The following ARHGAP15 variants were observed in gnomAD, a reference collection of about 807,000 sequenced individuals.
ARHGAP15 encodes the protein Rho GTPase activating protein 15, also known as rho GTPase-activating protein 15.
Under a neutral mutation model 63.7 loss-of-function variants are expected in ARHGAP15, and 51 were observed. The ratio of observed to expected loss-of-function variants is 0.80; its 90% CI spans 0.64 to 1.01. The LOEUF is 1.01. Ranked by LOEUF, ARHGAP15 falls within the 50% of genes least tolerant of loss-of-function variation. ARHGAP15 has a pLI of 0.00. For synonymous variants in ARHGAP15, 191 were observed against 193.8 expected (o/e 0.99, Z 0.12); for missense variants, 560 against 564.6 (o/e 0.99, Z 0.08).
chr2:143,755,326 G>T (rs1373529105), intron 13 of ARHGAP15, among the ~76,000 whole-genome samples: 1 of 151,658 alleles, frequency 6.6e-6, no homozygotes, highest in Non-Finnish European at 1.5e-5. Context: ...CTAAGTAGTA[G>T]AATTATGAGG....
intron 11 of ARHGAP15, among the ~76,000 whole-genome samples, chr2:143,617,583 A>G (rs935625371): frequency 6.6e-6 from 1 of 152,186 alleles, no homozygotes; most frequent in Non-Finnish European, 1.5e-5. Context: ...TCATTTTACC[A>G]TAATTACCTC....
chr2:143,433,363 C>T (rs918040363), intron 6 of ARHGAP15, among the ~76,000 whole-genome samples: 2 of 151,928 alleles, frequency 1.3e-5, no homozygotes, highest in Non-Finnish European at 2.9e-5. Flanking sequence ...CCTGGTAACT[C>T]GAAAGATTAG....
At chr2:143,162,301 G>A (rs1690328496) in intron 2 of ARHGAP15, 1 of 151,966 alleles carries the variant, frequency 6.6e-6, no homozygotes, top group African/African-American at 2.4e-5. Context: ...GGATCAAGAA[G>A]AGATGAGCTG....
chr2:143,202,851 G>T (rs1394048636), intron 3 of ARHGAP15, among the ~76,000 whole-genome samples: 3 of 152,076 alleles, frequency 2.0e-5, no homozygotes, highest in Middle Eastern at 3.4e-3. Flanking sequence ...ATGTTTTTGT[G>T]TATTGTTATA....
At chr2:143,306,354 G>T (rs1683171013) in intron 6 of ARHGAP15, among the ~76,000 whole-genome samples, 1 of 152,118 alleles carries the variant, frequency 6.6e-6, no homozygotes, top group Non-Finnish European at 1.5e-5. Flanking sequence ...ACTGTAGTGT[G>T]TTCAAATCAT....
Position 143,228,601 on chromosome 2 carries a change from G to C in ARHGAP15, c.317G>C (p.Trp106Ser). 3.7e-6 allele frequency: 6 copies of C among 1,608,286 alleles called. No homozygotes were observed. The highest frequency in any genetic ancestry group is 5.1e-6 in the Non-Finnish European group (6 of 1,177,340). Residue 106 changes from tryptophan to serine, a missense_variant, in exon 5 of 14, where the codon TGG (tryptophan) becomes TCG (serine). By Grantham distance (177) the Trp-to-Ser change is radical. Transcript: ENST00000295095. ...KKLRKNWSTS[W>S]IVLSSRRIEF... is the part of the protein sequence containing the mutation. ...CTAAGGAAAAACTGGTCTACTTCCT[G>C]GATTGTTCTTTCTAGTCGAAGAATT...
chr2:143,622,649 G>A (rs546437488), intron 11 of ARHGAP15, among the ~76,000 whole-genome samples: 2 of 152,122 alleles, frequency 1.3e-5, no homozygotes, highest in Admixed American at 6.6e-5. Context: ...GATTGAGGTA[G>A]GAATGAAGAC....
intron 6 of ARHGAP15, among the ~76,000 whole-genome samples, chr2:143,338,058 G>A (rs1333921769): frequency 2.6e-5 from 4 of 152,116 alleles, no homozygotes; most frequent in African/African-American, 7.2e-5. Flanking sequence ...GATATGGTGA[G>A]CATTAATCTA....
intron 12 of ARHGAP15, among the ~76,000 whole-genome samples, chr2:143,681,703 A>G (rs1315470000): frequency 2.0e-5 from 3 of 152,230 alleles, no homozygotes; most frequent in Admixed American, 2.0e-4. Flanking sequence ...ATGGTCAATG[A>G]GGCTTTAAGG....
At chr2:143,549,390 G>C (rs939731963) in intron 10 of ARHGAP15, among the ~76,000 whole-genome samples, 2 of 152,196 alleles carry the variant, frequency 1.3e-5, no homozygotes, top group Admixed American at 6.6e-5. Flanking sequence ...TCCAGGAAGA[G>C]AGGAAGCAGA....
chr2:143,538,968 C>T (rs1433768007), intron 10 of ARHGAP15, among the ~76,000 whole-genome samples: 7 of 152,116 alleles, frequency 4.6e-5, no homozygotes, highest in African/African-American at 1.7e-4. Context: ...CCAGTTCCTC[C>T]TTGTACCTCT....
chr2:143,548,190 T>A (rs1486042960), intron 10 of ARHGAP15, among the ~76,000 whole-genome samples: 1 of 152,100 alleles, frequency 6.6e-6, no homozygotes, highest in East Asian at 1.9e-4. Context: ...AACAATCTTA[T>A]TTCCTCATAT....
chr2:143,293,583 C>G (rs1263954701), intron 6 of ARHGAP15, among the ~76,000 whole-genome samples: 3 of 151,984 alleles, frequency 2.0e-5, no homozygotes, highest in African/African-American at 7.2e-5. Flanking sequence ...ATTAAACTGA[C>G]TTTGGTGTCT....
intron 9 of ARHGAP15, among the ~76,000 whole-genome samples, chr2:143,516,582 C>T (rs1407601720): frequency 6.6e-6 from 1 of 152,136 alleles, no homozygotes; most frequent in Non-Finnish European, 1.5e-5. Flanking sequence ...TTTTACAACT[C>T]AATATGCCTA....
intron 6 of ARHGAP15, among the ~76,000 whole-genome samples, chr2:143,291,765 C>T (rs1438877990): frequency 6.6e-6 from 1 of 152,008 alleles, no homozygotes; most frequent in Admixed American, 6.6e-5. Flanking sequence ...AGGTTTGAAC[C>T]TTGCCCCTCT....
At chr2:143,733,582 G>A (rs771484355) in intron 13 of ARHGAP15, among the ~76,000 whole-genome samples, 13 of 152,174 alleles carry the variant, frequency 8.5e-5, no homozygotes, top group Non-Finnish European at 1.6e-4. Context: ...TCCCAACTTC[G>A]TTTTTCAGAA....
intron 6 of ARHGAP15, among the ~76,000 whole-genome samples, chr2:143,412,060 G>A (rs1020036402): frequency 1.3e-5 from 2 of 152,166 alleles, no homozygotes; most frequent in Non-Finnish European, 1.5e-5. Context: ...AACTGTGATC[G>A]AGTGTTTCAA....
intron 10 of ARHGAP15, among the ~76,000 whole-genome samples, chr2:143,545,547 A>G (rs1239901328): frequency 6.6e-6 from 1 of 151,852 alleles, no homozygotes; most frequent in African/African-American, 2.4e-5. Flanking sequence ...AAAAGTTGGC[A>G]AGCGTTCTCG....
At chr2:143,543,683 A>C (rs1223607363) in intron 10 of ARHGAP15, among the ~76,000 whole-genome samples, 1 of 152,090 alleles carries the variant, frequency 6.6e-6, no homozygotes, top group Non-Finnish European at 1.5e-5. Context: ...ATATATATGC[A>C]AATACCCAGA....
Sources: gnomAD v4.1 joint callset for allele counts (sites outside exome capture counted in the v4.1 genomes callset) on GRCh38, gnomAD v4.1.1 for gene constraint, MANE v1.5 for transcripts, NCBI Gene and HGNC (gene_info 2026-07-23, HGNC 2026-07-21) for gene names.